GLG1: variants seen among roughly 807,000 people sequenced by gnomAD.
GLG1 encodes the protein golgi glycoprotein 1.
GLG1 carries 38 observed loss-of-function variants against 160.5 expected under a neutral mutation model. The observed-to-expected ratio is 0.24, with a 90% CI of 0.18 to 0.31. GLG1 has a LOEUF of 0.31. GLG1 is among the 10% of genes least tolerant of loss of function. The probability of loss-of-function intolerance (pLI) is 1.00; values close to 1 mark genes in which losing one functional copy is unlikely to be tolerated. For synonymous variants in GLG1, 644 were observed against 543.4 expected, an observed-to-expected ratio of 1.19 and a Z score of -2.57; for missense variants, 1,373 against 1,505.2, an observed-to-expected ratio of 0.91 and a Z score of 1.45.
chr16:74,457,824 C>A, intron 24 of GLG1, 50 bp downstream of exon 24: 1 of 1,575,628 alleles, frequency 6.3e-7, no homozygotes, highest in Non-Finnish European at 8.7e-7. Flanking sequence ...GGAGTCTTTG[C>A]TCTTCCCAAG....
chr16:74,503,815 G>A, intron 3 of GLG1, 69 bp from the exon 4 acceptor site: 2 of 1,017,526 alleles, frequency 2.0e-6, no homozygotes, highest in African/African-American at 1.6e-5. Context: ...TTATCAAAGA[G>A]AAAAATGTCT....
At chr16:74,590,658 G>T (rs1235714667) in intron 1 of GLG1, among the ~76,000 whole-genome samples, 1 of 148,938 alleles carries the variant, frequency 6.7e-6, no homozygotes, top group Non-Finnish European at 1.5e-5. Flanking sequence ...GCCGGGCGTG[G>T]TGACACCACA....
Position 74,601,669 on chromosome 16 carries a change from T to C in GLG1, c.438+4988A>G, listed in dbSNP as rs1958443819. On this transcript the variant is annotated intron_variant, in intron 1 of 25. Coordinates refer to ENST00000422840, the MANE Select transcript of GLG1 (RefSeq NM_001145667.2). Reference sequence around the variant, plus strand: ...TCTTTTCATAAAGCAGAAATTCGGTTTATGATGCACTCAGACTAATTAAAT... The same window carrying C: ...TCTTTTCATAAAGCAGAAATTCGGTCTATGATGCACTCAGACTAATTAAAT... Among the ~76,000 whole-genome samples, 4 of 152,192 alleles carry C rather than the reference T, an allele frequency of 2.6e-5. No individual in the cohort carries two copies. The South Asian group carries it at 8.3e-4, about 32-fold the overall frequency.
chr16:74,532,096 C>A, intron 2 of GLG1, 25 bp downstream of exon 2: 1 of 1,189,890 alleles, frequency 8.4e-7, no homozygotes, highest in Non-Finnish European at 1.2e-6. Flanking sequence ...GCACATATGG[C>A]GCATCACAGA....
chr16:74,509,721 C>T (rs886863449), intron 2 of GLG1, among the ~76,000 whole-genome samples: 2 of 151,700 alleles, frequency 1.3e-5, no homozygotes, highest in Non-Finnish European at 2.9e-5. Context: ...TGGTGGCAGG[C>T]GCCTGCAGTC....
At position 74,452,168 on chromosome 16, in the gene GLG1, C is replaced by G. The variant is rs2014337281; in HGVS notation, c.*999G>C. 1 of 1,609,710 alleles carries G rather than the reference C, an allele frequency of 6.2e-7. No individual in the cohort carries two copies. Among genetic ancestry groups the G allele is most frequent in the Non-Finnish European group, 8.5e-7 (1 of 1,177,770 alleles). On this transcript the variant is annotated 3_prime_UTR_variant, in exon 26 of 26. Coordinates refer to ENST00000422840, the MANE Select transcript of GLG1 (RefSeq NM_001145667.2). ...AGCAAAGTGAGTCAAACCTCTGGCTCCCACTTCCTGACCCACTGCTCCCCA... is the reference window on the plus strand; with the variant it reads ...AGCAAAGTGAGTCAAACCTCTGGCTGCCACTTCCTGACCCACTGCTCCCCA...
At chr16:74,512,375 T>C (rs936973558) in intron 2 of GLG1, among the ~76,000 whole-genome samples, 6 of 151,686 alleles carry the variant, frequency 4.0e-5, no homozygotes, top group Admixed American at 1.3e-4. Flanking sequence ...GCAATTCTCC[T>C]GCCTCAGCCT....
intron 1 of GLG1, chr16:74,552,247 C>T: frequency 1.8e-6 from 1 of 552,812 alleles, no homozygotes; most frequent in Non-Finnish European, 3.5e-6. Context: ...CTGCAGCCAC[C>T]AAGATGCTGA....
At chr16:74,566,958 C>A (rs1249871060) in intron 1 of GLG1, among the ~76,000 whole-genome samples, 1 of 152,108 alleles carries the variant, frequency 6.6e-6, no homozygotes, top group Non-Finnish European at 1.5e-5. Flanking sequence ...TATATATAGT[C>A]ACGCAAAGAA....
At chr16:74,502,739 T>G (rs1270085035) in intron 4 of GLG1, among the ~76,000 whole-genome samples, 2 of 147,110 alleles carry the variant, frequency 1.4e-5, no homozygotes, top group Non-Finnish European at 3.0e-5. Context: ...TTTTTTTTTT[T>G]TTTTGTATTT....
intron 1 of GLG1, among the ~76,000 whole-genome samples, chr16:74,564,145 C>A (rs1284580239): frequency 6.6e-6 from 1 of 152,164 alleles, no homozygotes; most frequent in Non-Finnish European, 1.5e-5. Flanking sequence ...GTCTTGAACT[C>A]CTGGCCTCAG....
chr16:74,576,190 CCTT>C (rs1223977705), intron 1 of GLG1, among the ~76,000 whole-genome samples: 2 of 151,624 alleles, frequency 1.3e-5, no homozygotes, highest in South Asian at 2.1e-4. Flanking sequence ...GAGCGAGACT[CCTT>C]CTCAAAAAAA....
chr16:74,450,927 T>G lies in GLG1; in HGVS notation c.*2240A>C, dbSNP rs1323474328. 1 of 151,866 alleles carries G rather than the reference T, an allele frequency of 6.6e-6. No homozygotes were observed. Among genetic ancestry groups the G allele is most frequent in the African/African-American group, 2.4e-5 (1 of 41,332 alleles). 9.4% of individuals were successfully genotyped at this position (151,866 alleles called of 1,614,324 possible). ...AAATCTGCAGACAACGAATGGGATT[T>G]TCTCTCAATTCAGAAAGAACAGAAA... is the stretch of plus-strand genomic sequence containing the variant. On this transcript the variant is annotated 3_prime_UTR_variant, in exon 26 of 26. Transcript: ENST00000422840.
At chr16:74,495,715 T>G (rs747889656) in intron 5 of GLG1, among the ~76,000 whole-genome samples, 1 of 152,184 alleles carries the variant, frequency 6.6e-6, no homozygotes, top group Non-Finnish European at 1.5e-5. Context: ...ATTGAATAGA[T>G]GTAAATAAGA....
intron 1 of GLG1, among the ~76,000 whole-genome samples, chr16:74,547,090 T>A (rs1451414105): frequency 1.3e-5 from 2 of 152,076 alleles, no homozygotes; most frequent in Non-Finnish European, 2.9e-5. Context: ...AGACAGTCTT[T>A]TATTATATCA....
chr16:74,479,981 G>C (rs1278614360), intron 11 of GLG1, among the ~76,000 whole-genome samples: 3 of 149,882 alleles, frequency 2.0e-5, no homozygotes, highest in African/African-American at 7.3e-5. Flanking sequence ...TTGTGATTCA[G>C]ATTTTGGGAA....
chr16:74,465,880 A>C, intron 18 of GLG1, 67 bp from the exon 19 acceptor site: 2 of 1,372,746 alleles, frequency 1.5e-6, no homozygotes, highest in Non-Finnish European at 2.1e-6. Context: ...GTTCTGATTG[A>C]AACATTCAGC....
At chr16:74,542,683 G>C (rs1391238271) in intron 1 of GLG1, among the ~76,000 whole-genome samples, 2 of 103,858 alleles carry the variant, frequency 1.9e-5, no homozygotes, top group Non-Finnish European at 3.7e-5. Flanking sequence ...AAAAAAAAAA[G>C]GGAAGGGAAG....
chr16:74,576,067 G>A (rs1028249988), intron 1 of GLG1, among the ~76,000 whole-genome samples: 20 of 152,184 alleles, frequency 1.3e-4, no homozygotes, highest in African/African-American at 4.3e-4. Context: ...AGGCATGGTA[G>A]AGGTTGCCTG....
Sources: gnomAD v4.1 joint callset for allele counts (sites outside exome capture counted in the v4.1 genomes callset) on GRCh38, gnomAD v4.1.1 for gene constraint, MANE v1.5 for transcripts, NCBI Gene and HGNC (gene_info 2026-07-23, HGNC 2026-07-21) for gene names.